SUN3: variants seen among roughly 807,000 people sequenced by gnomAD.
The protein encoded by SUN3 is Sad1 and UNC84 domain containing 3, also known as SUN domain-containing protein 3.
In SUN3, 36 loss-of-function variants were observed where a neutral mutation model predicts 48.2. The ratio of observed to expected loss-of-function variants is 0.75; its 90% CI spans 0.57 to 0.99. The LOEUF is 0.99. Among genes scored for constraint, SUN3 ranks in the 50% least tolerant of loss-of-function variants. SUN3 has a pLI of 0.00. For synonymous variants in SUN3, 148 were observed against 147.9 expected (o/e 1.00, Z 0.00); for missense variants, 419 against 433.1 (o/e 0.97, Z 0.29).
intron 3 of SUN3, 92 bp from the exon 4 acceptor site, chr7:48,009,167 A>G: frequency 1.6e-6 from 2 of 1,266,946 alleles, no homozygotes; most frequent in Non-Finnish European, 2.2e-6. Flanking sequence ...TAAATAGCAC[A>G]TTGACTCCTG....
intron 7 of SUN3, among the ~76,000 whole-genome samples, chr7:47,995,411 G>A (rs938000996): frequency 9.2e-5 from 14 of 152,118 alleles, no homozygotes; most frequent in Admixed American, 8.5e-4. Flanking sequence ...AGAAAAATGA[G>A]GTCTACTACT....
intron 6 of SUN3, among the ~76,000 whole-genome samples, chr7:47,998,669 A>G (rs1300936234): frequency 2.0e-5 from 3 of 151,892 alleles, no homozygotes; most frequent in Non-Finnish European, 4.4e-5. Flanking sequence ...TTCTAGCTTT[A>G]AGCTTTATAT....
intron 2 of SUN3, among the ~76,000 whole-genome samples, chr7:48,018,931 C>A (rs1354145762): frequency 6.6e-6 from 1 of 151,962 alleles, no homozygotes; most frequent in Non-Finnish European, 1.5e-5. Flanking sequence ...CAAAGAACTA[C>A]AGGAAACCAG....
At chr7:48,028,711 G>C in intron 1 of SUN3, 106 bp downstream of exon 1, 1 of 1,433,336 alleles carries the variant, frequency 7.0e-7, no homozygotes, top group South Asian at 1.3e-5. Context: ...TCTATAAAGG[G>C]AGAAAATACT....
At chr7:48,009,838 G>A (rs1000037577) in intron 3 of SUN3, among the ~76,000 whole-genome samples, 20 of 152,070 alleles carry the variant, frequency 1.3e-4, no homozygotes, top group African/African-American at 4.6e-4. Context: ...CTGCAGTACC[G>A]GGCTACTGTG....
chr7:48,031,580 C>T (rs893082993), upstream of SUN3, among the ~76,000 whole-genome samples: 2 of 152,036 alleles, frequency 1.3e-5, no homozygotes, highest in African/African-American at 2.4e-5. Context: ...GAAAATGTAA[C>T]CCTTGTATAC....
At chr7:48,033,187 GT>G (rs1362455408), upstream of SUN3, among the ~76,000 whole-genome samples, 2 of 152,192 alleles carry the variant, frequency 1.3e-5, no homozygotes, top group Non-Finnish European at 2.9e-5. Flanking sequence ...CTTGTATCAT[GT>G]TTTAATTTCC....
At chr7:48,035,811 T>C in the SUN3 span, among the ~76,000 whole-genome samples, 9 of 152,132 alleles carry the variant, frequency 5.9e-5, no homozygotes, top group African/African-American at 2.2e-4. The surrounding 1 kb of genome is among the most constrained non-coding windows in gnomAD (Gnocchi z 4.0). Flanking sequence ...CCGCGGCCCC[T>C]TGGTTACCTG....
intron 3 of SUN3, among the ~76,000 whole-genome samples, chr7:48,011,367 T>C (rs949082259): frequency 6.6e-6 from 1 of 152,250 alleles, no homozygotes; most frequent in Non-Finnish European, 1.5e-5. Flanking sequence ...TATTCTGTCA[T>C]GTGTGATAAT....
At position 48,025,920 on chromosome 7, in the gene SUN3, C is replaced by T; in HGVS notation, c.141G>A (p.Lys47=). The change falls in exon 2 of 10, where the codon AAG becomes AAA. Residue 47 remains lysine (K), a synonymous_variant. Transcript: ENST00000297325. The part of the protein sequence containing the change: ...PDANGVTRSW[K]IILSTMLTLT... ...GTGTAAGCATTGTACTTAGAATAAT[C>T]TTCCATGATCGAGTTACCCTAAAAG... is the stretch of plus-strand genomic sequence containing the variant. The T allele has an allele frequency of 6.2e-7, 1 of 1,601,100 alleles. No individual in the cohort carries two copies. The highest frequency in any genetic ancestry group is 8.5e-7 in the Non-Finnish European group (1 of 1,171,500).
chr7:47,991,940 A>G (rs1789076028), intron 8 of SUN3, among the ~76,000 whole-genome samples: 1 of 152,110 alleles, frequency 6.6e-6, no homozygotes. Flanking sequence ...CTCTAAGACC[A>G]CTGCCGGCGC....
intron 8 of SUN3, among the ~76,000 whole-genome samples, chr7:47,991,773 A>G (rs1468827136): frequency 6.6e-6 from 1 of 152,054 alleles, no homozygotes; most frequent in East Asian, 1.9e-4. Context: ...GAGGGTGTCC[A>G]TGTGGGGAGC....
chr7:48,002,325 A>G (rs1356644603), intron 6 of SUN3, among the ~76,000 whole-genome samples: 1 of 143,614 alleles, frequency 7.0e-6, no homozygotes, highest in Non-Finnish European at 1.5e-5. Context: ...CGCCCGGCTA[A>G]TTTTTTGTAT....
chr7:48,004,943 A>G (rs1789483252), intron 6 of SUN3, among the ~76,000 whole-genome samples: 1 of 152,224 alleles, frequency 6.6e-6, no homozygotes, highest in Non-Finnish European at 1.5e-5. Context: ...AAGAGACTTA[A>G]CAGGCTTTCT....
upstream of SUN3, among the ~76,000 whole-genome samples, chr7:48,030,809 T>G (rs1471513672): frequency 6.6e-6 from 1 of 152,250 alleles, no homozygotes; most frequent in African/African-American, 2.4e-5. Flanking sequence ...TCTATGTGTA[T>G]TTTTCAAGAA....
chr7:47,989,203 T>C (rs916598340), intron 8 of SUN3, among the ~76,000 whole-genome samples: 2 of 152,210 alleles, frequency 1.3e-5, no homozygotes, highest in Non-Finnish European at 1.5e-5. Flanking sequence ...GGAAGACAGA[T>C]ACATACATAT....
At chr7:48,013,076 G>A (rs1789725465) in intron 3 of SUN3, among the ~76,000 whole-genome samples, 1 of 152,164 alleles carries the variant, frequency 6.6e-6, no homozygotes, top group Admixed American at 6.5e-5. Context: ...AGACTGTGCT[G>A]GTGATTTGAA....
chr7:48,017,016 C>T (rs1789832952), intron 3 of SUN3, among the ~76,000 whole-genome samples: 4 of 152,150 alleles, frequency 2.6e-5, no homozygotes, highest in Admixed American at 2.6e-4. Context: ...ATTCAGAGCT[C>T]TTATGACCCA....
At chr7:47,996,498 G>C (rs1028901859) in intron 6 of SUN3, among the ~76,000 whole-genome samples, 5 of 152,146 alleles carry the variant, frequency 3.3e-5, no homozygotes, top group African/African-American at 1.2e-4. Flanking sequence ...GAGACTTCCT[G>C]TCATTCCCAT....
Sources: allele counts gnomAD v4.1 joint callset (sites outside exome capture counted in the v4.1 genomes callset), GRCh38; gene constraint gnomAD v4.1.1; non-coding constraint Gnocchi (gnomAD v3.1); transcripts MANE v1.5; gene names NCBI Gene and HGNC (gene_info 2026-07-23, HGNC 2026-07-21).